The following AP3S1 variants were observed in gnomAD, a reference collection of about 807,000 sequenced individuals.
The protein encoded by AP3S1 is AP-3 complex subunit sigma-1.
A neutral mutation model predicts 21.3 loss-of-function variants in AP3S1; 12 were observed. That is an observed-to-expected ratio of 0.56 (90% CI 0.36 to 0.91). The LOEUF is 0.91. Among genes scored for constraint, AP3S1 ranks in the 40% least tolerant of loss-of-function variants. The pLI, the probability that AP3S1 is intolerant of heterozygous loss-of-function variation, is 0.01. For synonymous variants in AP3S1, 48 were observed against 78.4 expected (o/e 0.61, Z 2.05); for missense variants, 116 against 225.0 (o/e 0.52, Z 3.10).
chr5:115,905,368 A>T (rs1027053613), intron 5 of AP3S1, among the ~76,000 whole-genome samples: 4 of 152,222 alleles, frequency 2.6e-5, no homozygotes, highest in African/African-American at 9.6e-5. Context: ...ATAGTTTAGA[A>T]TACTGGTGAT....
At chr5:115,902,736 T>G (rs1751319739) in intron 4 of AP3S1, 149 bp from the exon 5 acceptor site, 1 of 535,326 alleles carries the variant, frequency 1.9e-6, no homozygotes, top group Non-Finnish European at 3.3e-6. Context: ...ACAGTAGTGA[T>G]GAAAGTGGAT....
intron 5 of AP3S1, among the ~76,000 whole-genome samples, chr5:115,906,068 G>C (rs1254623677): frequency 6.6e-6 from 1 of 152,186 alleles, no homozygotes; most frequent in African/African-American, 2.4e-5. Flanking sequence ...TGACGCGCAA[G>C]AATCGCCCGA....
At chr5:115,844,964 A>G (rs542355625) in intron 1 of AP3S1, among the ~76,000 whole-genome samples, 24 of 142,734 alleles carry the variant, frequency 1.7e-4, no homozygotes, top group African/African-American at 7.3e-4. Context: ...TCTTTGCTAA[A>G]TGCATTTATT....
intron 4 of AP3S1, among the ~76,000 whole-genome samples, chr5:115,897,487 T>C (rs1750850883): frequency 6.6e-6 from 1 of 152,190 alleles, no homozygotes; most frequent in Non-Finnish European, 1.5e-5. Flanking sequence ...AATATAGATA[T>C]ATTTTTTTAA....
chr5:115,906,343 C>T (rs1020036676), intron 5 of AP3S1, among the ~76,000 whole-genome samples: 1 of 151,742 alleles, frequency 6.6e-6, no homozygotes, highest in African/African-American at 2.4e-5. Context: ...TATCTAGGGG[C>T]CTTTGTCAGA....
At chr5:115,908,444 T>G (rs990720411) in intron 5 of AP3S1, among the ~76,000 whole-genome samples, 2 of 152,172 alleles carry the variant, frequency 1.3e-5, no homozygotes, top group Admixed American at 6.5e-5. Flanking sequence ...GCTCATGAGC[T>G]GGTTCTGCCT....
At position 115,856,893 on chromosome 5, in the gene AP3S1, A is replaced by G. The variant is rs154761; in HGVS notation, c.70-9777A>G. 2.8e-4 allele frequency among the ~76,000 whole-genome samples: 43 copies of G among 152,334 alleles called. 2 individuals are homozygous for G. In the East Asian group the frequency reaches 7.7e-3, roughly 27 times the overall value. ...CTGTGGTCACCATGCAGTTCAGTAGATCACAAAAACTTATTCCTCCAGTCT... is the reference window on the plus strand; with the variant it reads ...CTGTGGTCACCATGCAGTTCAGTAGGTCACAAAAACTTATTCCTCCAGTCT... On this transcript the variant is annotated intron_variant, in intron 1 of 5. Transcript: ENST00000316788.
intron 5 of AP3S1, among the ~76,000 whole-genome samples, chr5:115,910,358 C>T (rs1368999900): frequency 6.6e-6 from 1 of 151,586 alleles, no homozygotes; most frequent in Non-Finnish European, 1.5e-5. Context: ...CACAGTTAAC[C>T]ACGGGTAAAT....
chr5:115,856,432 C>CTTTT (rs11320249), intron 1 of AP3S1, among the ~76,000 whole-genome samples: 1 of 144,024 alleles, frequency 6.9e-6, no homozygotes, highest in Non-Finnish European at 1.5e-5. Context: ...CATCCAGCAT[C>CTTTT]TTTTTTTTTT....
At chr5:115,858,514 G>A (rs981103907) in intron 1 of AP3S1, among the ~76,000 whole-genome samples, 1 of 152,044 alleles carries the variant, frequency 6.6e-6, no homozygotes, top group African/African-American at 2.4e-5. Context: ...CATTAGTTGT[G>A]CTGGGTACTT....
intron 5 of AP3S1, among the ~76,000 whole-genome samples, chr5:115,905,139 G>T (rs192475743): frequency 2.6e-4 from 40 of 152,156 alleles, no homozygotes; most frequent in African/African-American, 8.7e-4. Flanking sequence ...TGCAACCTCC[G>T]GCATAAATGG....
chr5:115,851,989 A>G (rs1292404038), intron 1 of AP3S1, among the ~76,000 whole-genome samples: 1 of 138,628 alleles, frequency 7.2e-6, no homozygotes, highest in Non-Finnish European at 1.5e-5. Context: ...TGATGAGATT[A>G]AATAAGAGAA....
intron 4 of AP3S1, among the ~76,000 whole-genome samples, chr5:115,897,841 T>C (rs1580729127): frequency 6.6e-6 from 1 of 151,938 alleles, no homozygotes; most frequent in Non-Finnish European, 1.5e-5. Context: ...GGATTGCAGG[T>C]GTGAGCCACC....
intron 5 of AP3S1, among the ~76,000 whole-genome samples, chr5:115,909,589 C>T (rs935964608): frequency 1.3e-5 from 2 of 152,008 alleles, no homozygotes; most frequent in African/African-American, 2.4e-5. Flanking sequence ...TTGGTGTAGT[C>T]GCTGCAGTTT....
rs60544261 is a variant in AP3S1, at chr5:115,846,775, C to T, written c.69+4669C>T. Among the ~76,000 whole-genome samples the T allele has an allele frequency of 4.0e-3, 604 of 152,222 alleles. 5 individuals carry two copies. The highest frequency in any genetic ancestry group is 0.014 in the African/African-American group (564 of 41,522). ...ACTCCTGAGTATGAGGGTGTTAACACATACTAACACACGGCATTTCAGCTT... is the reference window on the plus strand; with the variant it reads ...ACTCCTGAGTATGAGGGTGTTAACATATACTAACACACGGCATTTCAGCTT... On this transcript the variant is annotated intron_variant, in intron 1 of 5. Coordinates refer to ENST00000316788, the MANE Select transcript of AP3S1 (RefSeq NM_001284.4).
chr5:115,883,058 G>T (rs1749450110), intron 3 of AP3S1, among the ~76,000 whole-genome samples: 1 of 152,200 alleles, frequency 6.6e-6, no homozygotes, highest in East Asian at 1.9e-4. Context: ...CCCCGACTAA[G>T]CTCCAGCATC....
intron 1 of AP3S1, among the ~76,000 whole-genome samples, chr5:115,846,256 G>C (rs778031133): frequency 1.3e-5 from 2 of 152,172 alleles, no homozygotes; most frequent in Non-Finnish European, 2.9e-5. Flanking sequence ...CACTCCTCCA[G>C]CTTTGGCTTC....
intron 3 of AP3S1, among the ~76,000 whole-genome samples, chr5:115,887,070 A>C (rs1160530635): frequency 6.6e-6 from 1 of 152,216 alleles, no homozygotes; most frequent in African/African-American, 2.4e-5. Context: ...TTAATAGTAC[A>C]TGCAGTGGGT....
chr5:115,845,719 A>C (rs1384408405), intron 1 of AP3S1, among the ~76,000 whole-genome samples: 1 of 151,790 alleles, frequency 6.6e-6, no homozygotes, highest in African/African-American at 2.4e-5. Context: ...CTATAAGTGC[A>C]GCTACTCGCT....
Sources: gnomAD v4.1 joint callset for allele counts (sites outside exome capture counted in the v4.1 genomes callset) on GRCh38, gnomAD v4.1.1 for gene constraint, MANE v1.5 for transcripts, NCBI Gene and HGNC (gene_info 2026-07-23, HGNC 2026-07-21) for gene names.